OSBPL10: variants seen among roughly 807,000 people sequenced by gnomAD.
OSBPL10 encodes the protein oxysterol-binding protein-related protein 10.
A neutral mutation model predicts 81.7 loss-of-function variants in OSBPL10; 49 were observed. That is an observed-to-expected ratio of 0.60 (90% CI 0.48 to 0.76). The LOEUF (loss-of-function observed/expected upper bound fraction) is 0.76, where lower values mean the gene tolerates loss of function less well. Ranked by LOEUF, OSBPL10 falls within the 30% of genes least tolerant of loss-of-function variation. The probability of loss-of-function intolerance (pLI) is 0.00; values close to 1 mark genes in which losing one functional copy is unlikely to be tolerated. For missense variants in OSBPL10, 923 were observed against 987.8 expected, an observed-to-expected ratio of 0.93 and a Z score of 0.88; for synonymous variants, 419 against 383.6, an observed-to-expected ratio of 1.09 and a Z score of -1.08.
intron 4 of OSBPL10, chr3:31,794,508 C>A: frequency 3.4e-6 from 1 of 290,324 alleles, no homozygotes; most frequent in Non-Finnish European, 7.0e-6. Context: ...CTCAGCAGGG[C>A]ACTGTGACCC....
At chr3:31,762,239 A>G (rs1314161916) in intron 4 of OSBPL10, among the ~76,000 whole-genome samples, 1 of 152,182 alleles carries the variant, frequency 6.6e-6, no homozygotes, top group Non-Finnish European at 1.5e-5. Context: ...AGCACAGAGT[A>G]GTCCTTTGCT....
chr3:31,852,230 A>C (rs1368953930), intron 3 of OSBPL10, among the ~76,000 whole-genome samples: 1 of 152,160 alleles, frequency 6.6e-6, no homozygotes, highest in African/African-American at 2.4e-5. Context: ...GGGATTTCTC[A>C]ATGAGGGTGA....
intron 5 of OSBPL10, among the ~76,000 whole-genome samples, chr3:31,738,526 CA>C (rs1458243317): frequency 6.6e-6 from 1 of 152,138 alleles, no homozygotes; most frequent in African/African-American, 2.4e-5. Context: ...CATCCCCAGC[CA>C]AAATGTCTTT....
chr3:31,765,701 A>C (rs1698175423), intron 4 of OSBPL10, among the ~76,000 whole-genome samples: 1 of 152,210 alleles, frequency 6.6e-6, no homozygotes, highest in Non-Finnish European at 1.5e-5. Flanking sequence ...CAAGTGAAAA[A>C]GGAGGTACAA....
chr3:31,722,656 C>T (rs539379912), intron 6 of OSBPL10, among the ~76,000 whole-genome samples: 1 of 151,926 alleles, frequency 6.6e-6, no homozygotes, highest in Non-Finnish European at 1.5e-5. Flanking sequence ...CCTTGAATTA[C>T]ATTATATATA....
chr3:31,918,652 G>T (rs1696825645), intron 1 of OSBPL10, among the ~76,000 whole-genome samples: 1 of 152,168 alleles, frequency 6.6e-6, no homozygotes, highest in South Asian at 2.1e-4. Context: ...ATAAGGATAG[G>T]AAAGCAAAGT....
chr3:32,076,095 C>T (rs557440184), intron 1 of OSBPL10, among the ~76,000 whole-genome samples: 1 of 152,266 alleles, frequency 6.6e-6, no homozygotes, highest in East Asian at 1.9e-4. Flanking sequence ...TATGGCCAGG[C>T]GCGGTGGCTC....
chr3:31,958,726 G>A (rs957401621), intron 1 of OSBPL10, among the ~76,000 whole-genome samples: 2 of 152,120 alleles, frequency 1.3e-5, no homozygotes, highest in African/African-American at 4.8e-5. Flanking sequence ...TCGGCTTTGT[G>A]TTCCAAAAGC....
rs188691791 is a variant in OSBPL10 at position 32,020,894 on chromosome 3, C to T, written n.298+25597G>A. ...AGACTGGGTGGCTTAAACAACAAAA[C>T]TCGTATTTTCTCAGAGTTCTGGAGG... is the stretch of plus-strand genomic sequence containing the variant. On this transcript the variant is annotated intron_variant and non_coding_transcript_variant, in intron 2 of 3. Transcript: ENST00000479173. Among the ~76,000 whole-genome samples the T allele has an allele frequency of 7.9e-4, 120 of 152,270 alleles. 2 individuals are homozygous for T. The highest frequency in any genetic ancestry group is 7.8e-3 in the Admixed American group (120 of 15,288).
rs144063070 is a variant in OSBPL10, at chr3:31,687,690, C to T, written c.1246-3576G>A. The stretch of plus-strand genomic sequence containing the variant: ...TTACCCCATGACACATCATGATTAT[C>T]TGCTTCTGGTTAACAAGAACATCTT... On this transcript the variant is annotated intron_variant, in intron 7 of 11. Transcript: ENST00000396556. Among the ~76,000 whole-genome samples the T allele has an allele frequency of 2.0e-5, 3 of 152,196 alleles. No individual in the cohort carries two copies. The East Asian group carries it at 5.8e-4, about 29-fold the overall frequency.
intron 1 of OSBPL10, among the ~76,000 whole-genome samples, chr3:31,905,993 T>C (rs1696400842): frequency 6.6e-6 from 1 of 152,100 alleles, no homozygotes; most frequent in Non-Finnish European, 1.5e-5. Flanking sequence ...CTTATTAATC[T>C]ACTCTCCTGT....
chr3:32,000,448 C>T (rs909272303), intron 2 of OSBPL10, among the ~76,000 whole-genome samples: 1 of 152,198 alleles, frequency 6.6e-6, no homozygotes, highest in South Asian at 2.1e-4. Flanking sequence ...GAAGATCACC[C>T]CACCACACCA....
intron 1 of OSBPL10, among the ~76,000 whole-genome samples, chr3:31,908,567 A>G (rs758460654): frequency 2.0e-5 from 3 of 152,214 alleles, no homozygotes; most frequent in African/African-American, 4.8e-5. Flanking sequence ...GTTTTTTGCC[A>G]CGTAAATGCC....
intron 5 of OSBPL10, among the ~76,000 whole-genome samples, chr3:31,733,690 T>TG (rs1447533489): frequency 9.2e-5 from 5 of 54,384 alleles, no homozygotes; most frequent in African/African-American, 3.1e-4. Flanking sequence ...AAGGTGTTTT[T>TG]TTTTTTTTTT....
chr3:31,968,933 A>G (rs1202103967), intron 1 of OSBPL10, among the ~76,000 whole-genome samples: 2 of 152,218 alleles, frequency 1.3e-5, no homozygotes, highest in African/African-American at 4.8e-5. Flanking sequence ...ATGCTATATA[A>G]TGAATGTACG....
At chr3:31,670,291 G>T (rs979579246) in intron 9 of OSBPL10, among the ~76,000 whole-genome samples, 3 of 152,226 alleles carry the variant, frequency 2.0e-5, no homozygotes, top group Non-Finnish European at 4.4e-5. Context: ...TTTTATAGCT[G>T]CAGCAATAAA....
chr3:31,722,349 CA>C (rs926982815), intron 6 of OSBPL10, among the ~76,000 whole-genome samples: 26 of 152,262 alleles, frequency 1.7e-4, no homozygotes, highest in African/African-American at 6.3e-4. Context: ...CAGTGACCAT[CA>C]GGAGCACCTG....
chr3:31,729,556 G>A (rs1204801745), intron 6 of OSBPL10, among the ~76,000 whole-genome samples: 2 of 152,152 alleles, frequency 1.3e-5, no homozygotes, highest in South Asian at 2.1e-4. Flanking sequence ...TTGTAACTGG[G>A]ATTACAGGCG....
chr3:31,663,198 T>C (rs1486403100), intron 11 of OSBPL10: 1 of 985,434 alleles, frequency 1.0e-6, no homozygotes. Context: ...AGATACATTT[T>C]GATTGCCTAC....
Sources: allele counts gnomAD v4.1 joint callset (sites outside exome capture counted in the v4.1 genomes callset), GRCh38; gene constraint gnomAD v4.1.1; transcripts MANE v1.5; gene names NCBI Gene and HGNC (gene_info 2026-07-23, HGNC 2026-07-21).